Variants in COX7B2 observed in about 807,000 individuals in gnomAD.
COX7B2 encodes the protein cytochrome c oxidase subunit 7B2.
For synonymous variants in COX7B2, 37 were observed against 32.1 expected (o/e 1.15, Z -0.51); for missense variants, 109 against 95.9 (o/e 1.14, Z -0.57).
At chr4:46,767,082 A>G (rs1329322285) in intron 2 of COX7B2, among the ~76,000 whole-genome samples, 2 of 152,258 alleles carry the variant, frequency 1.3e-5, no homozygotes, top group Non-Finnish European at 2.9e-5. Context: ...GAATGGATTT[A>G]AAAAACAGAT....
intron 2 of COX7B2, among the ~76,000 whole-genome samples, chr4:46,776,291 T>C (rs991569630): frequency 6.6e-6 from 1 of 152,026 alleles, no homozygotes; most frequent in Non-Finnish European, 1.5e-5. Flanking sequence ...AAATATAACT[T>C]TTTGAACTTT....
At chr4:46,889,962 A>G (rs573264776) in intron 1 of COX7B2, among the ~76,000 whole-genome samples, 12 of 150,960 alleles carry the variant, frequency 7.9e-5, no homozygotes, top group Admixed American at 2.0e-4. Flanking sequence ...ATTATGAGGG[A>G]AAAAAAATGA....
chr4:46,817,806 A>T (rs1372667580), intron 2 of COX7B2, among the ~76,000 whole-genome samples: 3 of 152,170 alleles, frequency 2.0e-5, no homozygotes, highest in Non-Finnish European at 2.9e-5. Context: ...TCAGTAGATT[A>T]CAGTTTTGTT....
intron 2 of COX7B2, among the ~76,000 whole-genome samples, chr4:46,786,525 T>C (rs982238163): frequency 6.6e-6 from 1 of 152,212 alleles, no homozygotes; most frequent in African/African-American, 2.4e-5. Context: ...ATTTTTCTCA[T>C]GTATAATAGT....
intron 1 of COX7B2, among the ~76,000 whole-genome samples, chr4:46,857,289 C>G (rs750084287): frequency 1.3e-5 from 2 of 152,186 alleles, no homozygotes; most frequent in Non-Finnish European, 2.9e-5. Flanking sequence ...TAGAATTACA[C>G]CACATAGTTA....
At chr4:46,826,934 C>T (rs567532318) in intron 2 of COX7B2, among the ~76,000 whole-genome samples, 2 of 151,976 alleles carry the variant, frequency 1.3e-5, no homozygotes, top group African/African-American at 4.8e-5. Flanking sequence ...GGAAATTCTA[C>T]AGCCAAAAAG....
At chr4:46,889,689 G>A (rs1357822366) in intron 1 of COX7B2, among the ~76,000 whole-genome samples, 1 of 152,160 alleles carries the variant, frequency 6.6e-6, no homozygotes, top group Non-Finnish European at 1.5e-5. Flanking sequence ...TTGAGGAGTA[G>A]CTGATAATGA....
At chr4:46,831,299 C>G (rs1276077948) in intron 2 of COX7B2, among the ~76,000 whole-genome samples, 1 of 152,162 alleles carries the variant, frequency 6.6e-6, no homozygotes, top group Non-Finnish European at 1.5e-5. Flanking sequence ...GGACCTGCAG[C>G]CTGCCATGCC....
Position 46,881,828 on chromosome 4 carries a change from C to T in COX7B2, c.-105+27332G>A, listed in dbSNP as rs568512267. ...CAAGATATTTTCCTTTCACAGTTGT[C>T]TTCTGCTAGCTTTGAGGTTTTTTTC... On this transcript the variant is annotated intron_variant, in intron 1 of 2. Coordinates refer to ENST00000355591, the MANE Select transcript of COX7B2 (RefSeq NM_130902.3). Among the ~76,000 whole-genome samples the T allele has an allele frequency of 2.5e-4, 38 of 152,226 alleles. 2 individuals are homozygous for T. The South Asian group carries it at 6.6e-3, about 27-fold the overall frequency.
intron 2 of COX7B2, among the ~76,000 whole-genome samples, chr4:46,806,770 A>G (rs1444448358): frequency 6.6e-6 from 1 of 152,020 alleles, no homozygotes; most frequent in African/African-American, 2.4e-5. Flanking sequence ...AGATCATGCA[A>G]TATTTGTCTT....
At chr4:46,886,144 T>C (rs1368854924) in intron 1 of COX7B2, among the ~76,000 whole-genome samples, 1 of 152,164 alleles carries the variant, frequency 6.6e-6, no homozygotes, top group African/African-American at 2.4e-5. Context: ...CACTTGACTT[T>C]AGGTAGTTAC....
At chr4:46,869,253 C>T (rs537598522) in intron 1 of COX7B2, among the ~76,000 whole-genome samples, 1 of 152,186 alleles carries the variant, frequency 6.6e-6, no homozygotes, top group African/African-American at 2.4e-5. Context: ...TATTTTGAGC[C>T]TATGAGTGTC....
At chr4:46,742,177 A>G (rs1714755749) in intron 2 of COX7B2, among the ~76,000 whole-genome samples, 1 of 152,170 alleles carries the variant, frequency 6.6e-6, no homozygotes, top group Non-Finnish European at 1.5e-5. Context: ...TAAAAGCATT[A>G]GTAATACAGG....
chr4:46,793,405 C>T (rs1718151796), intron 2 of COX7B2, among the ~76,000 whole-genome samples: 1 of 152,124 alleles, frequency 6.6e-6, no homozygotes, highest in Non-Finnish European at 1.5e-5. Context: ...AGCCATTAGG[C>T]TGATGCCCTT....
chr4:46,861,733 G>C (rs1296865200), intron 1 of COX7B2, among the ~76,000 whole-genome samples: 1 of 152,210 alleles, frequency 6.6e-6, no homozygotes, highest in Non-Finnish European at 1.5e-5. Context: ...AGCGGTGGTT[G>C]TAGAATGTTT....
intron 2 of COX7B2, among the ~76,000 whole-genome samples, chr4:46,762,134 T>A (rs1372262454): frequency 6.7e-6 from 1 of 148,538 alleles, no homozygotes; most frequent in Non-Finnish European, 1.5e-5. Context: ...ATGTTTCATA[T>A]GTATATGAAG....
chr4:46,902,828 G>C (rs1720150878), intron 1 of COX7B2, among the ~76,000 whole-genome samples: 2 of 152,072 alleles, frequency 1.3e-5, no homozygotes, highest in Non-Finnish European at 1.5e-5. Context: ...AGTGAGCCCA[G>C]ATCAAACCAC....
intron 1 of COX7B2, among the ~76,000 whole-genome samples, chr4:46,854,992 T>C (rs1468584316): frequency 1.3e-5 from 2 of 152,196 alleles, no homozygotes; most frequent in Non-Finnish European, 2.9e-5. Flanking sequence ...AATAATGTTG[T>C]ACTTTGTCAT....
At chr4:46,810,539 G>C (rs1038557422) in intron 2 of COX7B2, among the ~76,000 whole-genome samples, 3 of 151,938 alleles carry the variant, frequency 2.0e-5, no homozygotes, top group Non-Finnish European at 4.4e-5. Flanking sequence ...AAAAACTCGA[G>C]ACTTTAATCC....
Sources: allele counts gnomAD v4.1 joint callset (sites outside exome capture counted in the v4.1 genomes callset), GRCh38; gene constraint gnomAD v4.1.1; transcripts MANE v1.5; gene names NCBI Gene and HGNC (gene_info 2026-07-23, HGNC 2026-07-21).